The following MROH6 variants were observed in gnomAD, a reference collection of about 807,000 sequenced individuals.
MROH6 encodes the protein maestro heat like repeat family member 6, also known as maestro heat-like repeat-containing protein family member 6.
MROH6 carries 62 observed loss-of-function variants against 67.7 expected under a neutral mutation model. The observed-to-expected ratio is 0.92, with a 90% CI of 0.75 to 1.13. The LOEUF (loss-of-function observed/expected upper bound fraction) is 1.13, where lower values mean the gene tolerates loss of function less well. MROH6 is among the 50% of genes most tolerant of loss of function. The pLI is 0.00. For missense variants in MROH6, 1,175 were observed against 1,029.1 expected (o/e 1.14, Z -1.94); for synonymous variants, 566 against 470.8 (o/e 1.20, Z -2.62).
At chr8:143,570,117 C>T (rs2130641421) in intron 6 of MROH6, 52 bp from the exon 7 acceptor site, 4 of 1,581,462 alleles carry the variant, frequency 2.5e-6, no homozygotes, top group Non-Finnish European at 3.4e-6. Flanking sequence ...CCTTTCTCCT[C>T]GAGAAGACCC....
rs898141972 is a variant in MROH6, at chr8:143,571,745, C to T, written c.524G>A (p.Arg175Gln). The T allele has an allele frequency of 5.8e-6, 9 of 1,549,084 alleles. No individual in the cohort carries two copies. The highest frequency in any genetic ancestry group is 4.1e-5 in the African/African-American group (3 of 73,126). ...CTCCAGGGCCAGTGCGCTCAGCACT[C>T]GCAGGGCCGCCCTCCAGGGCCTCCC... ...AEGRPWRAAL[R>Q]VLSALALEHA... Residue 175 changes from arginine to glutamine, a missense_variant, in exon 3 of 14, where the codon CGA becomes CAA. By Grantham distance (43) the Arg-to-Gln change is conservative (BLOSUM62 1). Coordinates refer to ENST00000398882, the MANE Select transcript of MROH6 (RefSeq NM_001100878.2).
At chr8:143,569,911 CAG>C in intron 7 of MROH6, 38 bp downstream of exon 7, 1 of 1,611,478 alleles carries the variant, frequency 6.2e-7, no homozygotes, top group Admixed American at 1.7e-5. Context: ...GGATCAAGTC[CAG>C]GGTCACCCTT....
intron 11 of MROH6, 40 bp from the exon 12 acceptor site, chr8:143,567,928 T>A: frequency 6.7e-7 from 1 of 1,503,504 alleles, no homozygotes; most frequent in East Asian, 2.3e-5. Flanking sequence ...GGAGGGCTGA[T>A]CCTGAGTGCG....
rs1462819884 is a variant in MROH6, at chr8:143,567,693, G to A, written c.1868-17C>T. ...CAAGGAAGCCTGGACCACAGCAGAT[G>A]CATGAGTGCAGGCCCCACAGCCCCC... On this transcript the variant is annotated splice_polypyrimidine_tract_variant and intron_variant, in intron 12 of 13. Transcript: ENST00000398882. 33 of 1,578,706 alleles carry A rather than the reference G, an allele frequency of 2.1e-5. No homozygotes were observed. Among genetic ancestry groups the A allele is most frequent in the Admixed American group, 3.6e-5 (2 of 54,874 alleles).
chr8:143,570,338 T>C lies in MROH6; in HGVS notation c.948A>G (p.Gly316=). Reference sequence around the variant, plus strand: ...CCATGCACGTGACCACCATGCGGCCTCCATCCCCGGTGAGCAGCGCCTTCA... The same window carrying C: ...CCATGCACGTGACCACCATGCGGCCCCCATCCCCGGTGAGCAGCGCCTTCA... ...EALKALLTGD[G]GRMVVTCMEQ... Residue 316 remains glycine, a synonymous_variant, in exon 6 of 14, where the codon GGA becomes GGG. Coordinates refer to ENST00000398882, the MANE Select transcript of MROH6 (RefSeq NM_001100878.2). The C allele has an allele frequency of 6.2e-7, 1 of 1,610,568 alleles. No individual in the cohort carries two copies. The highest frequency in any genetic ancestry group is 8.5e-7 in the Non-Finnish European group (1 of 1,179,748).
intron 1 of MROH6, 24 bp from the exon 2 acceptor site, chr8:143,572,209 C>T (rs1270089487): frequency 6.2e-7 from 1 of 1,610,680 alleles, no homozygotes; most frequent in South Asian, 1.1e-5. Flanking sequence ...GGTGGGGCGT[C>T]TGAAGTGCCC....
intron 2 of MROH6, 71 bp from the exon 3 acceptor site, chr8:143,571,892 C>T: frequency 1.3e-6 from 2 of 1,497,436 alleles, no homozygotes; most frequent in Non-Finnish European, 1.8e-6. Context: ...GCCTGCACCC[C>T]ACCTCCACCC....
At position 143,570,111 on chromosome 8, in the gene MROH6, T is replaced by A. The variant is rs11990325; in HGVS notation, c.1044-46A>T. 415,091 of 1,586,046 alleles carry A rather than the reference T, an allele frequency of 0.26. 57,301 individuals are homozygous for A. Among genetic ancestry groups the A allele is most frequent in the South Asian group, 0.45 (40,825 of 90,046 alleles). On this transcript the variant is annotated intron_variant, in intron 6 of 13. Transcript: ENST00000398882. ...AGCTCTCGCTCCGTTTGGCGGCCTT[T>A]CTCCTCGAGAAGACCCCATCCCAAC...
intron 3 of MROH6, 54 bp downstream of exon 3, chr8:143,571,613 G>C: frequency 6.5e-7 from 1 of 1,545,160 alleles, no homozygotes; most frequent in South Asian, 1.2e-5. Flanking sequence ...ACCGCCAAGC[G>C]GGAAGAGGGA....
At position 143,569,635 on chromosome 8, in the gene MROH6, C is replaced by T. The variant is rs371354694; in HGVS notation, c.1303-21G>A. On this transcript the variant is annotated intron_variant, in intron 8 of 13. Coordinates refer to ENST00000398882, the MANE Select transcript of MROH6 (RefSeq NM_001100878.2). ...CGCACCTGCTGGGACTCGGGGTCAG[C>T]CTCTTGCAGACCTCGCCGCGACCGG... is the stretch of plus-strand genomic sequence containing the variant. 5 of 1,590,552 alleles carry T rather than the reference C, an allele frequency of 3.1e-6. No homozygotes were observed. The African/African-American group carries it at 5.4e-5, about 17-fold the overall frequency.
chr8:143,568,769 A>G, intron 9 of MROH6, 50 bp from the exon 10 acceptor site: 11 of 1,022,942 alleles, frequency 1.1e-5, no homozygotes, highest in Non-Finnish European at 1.3e-5. Flanking sequence ...AGGGGCTGCA[A>G]GGGTGGGAGG....
At chr8:143,570,440 G>T (rs934868984) in intron 5 of MROH6, 33 bp downstream of exon 5, 1 of 1,202,068 alleles carries the variant, frequency 8.3e-7, no homozygotes, top group South Asian at 1.9e-5. Flanking sequence ...CAGCATGCTG[G>T]CCCGCCCCAC....
chr8:143,572,504 G>T lies in MROH6; in HGVS notation c.211C>A (p.Arg71Ser), dbSNP rs201179433. The T allele has an allele frequency of 1.2e-6, 2 of 1,605,230 alleles. No individual in the cohort carries two copies. Among genetic ancestry groups the T allele is most frequent in the Non-Finnish European group, 1.7e-6 (2 of 1,177,260 alleles). Residue 71 changes from arginine to serine, a missense_variant, in exon 1 of 14, where the codon CGT (arginine) becomes AGT (serine). Arg to Ser is a moderately radical substitution (Grantham distance 110, BLOSUM62 -1). Transcript: ENST00000398882. ...LTAPSEAEPG[R>S]GATVPEAGSE... ...CCAGCTTCAGGGACGGTGGCCCCAC[G>T]TCCAGGCTCTGCCTCAGAGGGGGCG... is the stretch of plus-strand genomic sequence containing the variant.
intron 11 of MROH6, 117 bp from the exon 12 acceptor site, chr8:143,568,005 T>A (rs1228962834): frequency 7.6e-6 from 11 of 1,452,786 alleles, no homozygotes; most frequent in Non-Finnish European, 1.0e-5. Flanking sequence ...GGTGGCATGG[T>A]CGGAGACCTT....
At position 143,572,055 on chromosome 8, in the gene MROH6, C is replaced by G. The variant is rs779367478; in HGVS notation, c.425G>C (p.Arg142Pro). Residue 142 changes from arginine to proline, a missense_variant, in exon 2 of 14, where the codon CGG becomes CCG. Coordinates refer to ENST00000398882, the MANE Select transcript of MROH6 (RefSeq NM_001100878.2). ...GACCTGGTCCTCCAACCGCTCGCCC[C>G]GGGCCTCCAGGGCTGAGGACAGGGT... Reference protein sequence around the residue: ...VLTLSSALEARGERLEDQVHA... With the variant: ...VLTLSSALEAPGERLEDQVHA... 1.9e-5 allele frequency: 30 copies of G among 1,611,892 alleles called. No homozygotes were observed. Among genetic ancestry groups the G allele is most frequent in the Non-Finnish European group, 2.4e-5 (28 of 1,179,416 alleles).
chr8:143,567,013 G>A lies in MROH6; in HGVS notation c.*226C>T, dbSNP rs375268603. 18 of 344,978 alleles carry A rather than the reference G, an allele frequency of 5.2e-5. No individual in the cohort carries two copies. Among genetic ancestry groups the A allele is most frequent in the Middle Eastern group, 7.5e-4 (1 of 1,342 alleles). 21.4% of individuals were successfully genotyped at this position (344,978 alleles called of 1,614,324 possible). A position where few individuals can be genotyped will look rare whatever the true frequency, so the allele number is the denominator to read the frequency against. On this transcript the variant is annotated 3_prime_UTR_variant, in exon 14 of 14. Coordinates refer to ENST00000398882, the MANE Select transcript of MROH6 (RefSeq NM_001100878.2). The stretch of plus-strand genomic sequence containing the variant: ...TGGGGCATGGGGCATGCTCCAGGGG[G>A]CTGTGAGAACAAGAGCCCTGACGGG...
In MROH6 at chr8:143,567,256, C is replaced by G. The variant is rs1222922120; in HGVS notation, c.2143G>C (p.Gly715Arg). 4.9e-6 allele frequency: 6 copies of G among 1,221,670 alleles called. No homozygotes were observed. The highest frequency in any genetic ancestry group is 3.2e-4 in the Middle Eastern group (1 of 3,160). 75.7% of individuals were successfully genotyped at this position (1,221,670 alleles called of 1,614,324 possible). A position where few individuals can be genotyped will look rare whatever the true frequency, so the allele number is the denominator to read the frequency against. Residue 715 changes from glycine to arginine, a missense_variant, in exon 14 of 14, where the codon GGA becomes CGA. Coordinates refer to ENST00000398882, the MANE Select transcript of MROH6 (RefSeq NM_001100878.2). Reference protein sequence around the residue: ...RSVAGRWGCSGPRRA With the variant: ...RSVAGRWGCSRPRRA ...CCCGAGCCTCAGGCTCGGCGGGGTCCGGAGCAGCCCCAGCGGCCCGCGACG... is the reference window on the plus strand; with the variant it reads ...CCCGAGCCTCAGGCTCGGCGGGGTCGGGAGCAGCCCCAGCGGCCCGCGACG...
Position 143,566,380 on chromosome 8 carries a change from G to A in MROH6, c.*859C>T, listed in dbSNP as rs890009137. ...AGGAGGAGGCTGTGAAGGAGGCCACGAATGCAAGGACATTTCCAGGCAGGC... is the reference window on the plus strand; with the variant it reads ...AGGAGGAGGCTGTGAAGGAGGCCACAAATGCAAGGACATTTCCAGGCAGGC... On this transcript the variant is annotated 3_prime_UTR_variant, in exon 14 of 14. Transcript: ENST00000398882. The A allele has an allele frequency of 8.5e-5, 13 of 152,300 alleles. No individual in the cohort carries two copies. The highest frequency in any genetic ancestry group is 3.9e-4 in the Admixed American group (6 of 15,292). 9.4% of individuals were successfully genotyped at this position (152,300 alleles called of 1,614,324 possible).
rs1279445071 is a variant in MROH6, at chr8:143,567,635, C to T, written c.1909G>A (p.Asp637Asn). 1 of 1,571,096 alleles carries T rather than the reference C, an allele frequency of 6.4e-7. No homozygotes were observed. The highest frequency in any genetic ancestry group is 8.6e-7 in the Non-Finnish European group (1 of 1,158,986). ...CCCTGGAACAGGGAGTCCAGCAGGT[C>T]CTGGTTGACACAGCCGGGGCTGGCG... is the stretch of plus-strand genomic sequence containing the variant. ...HHASPGCVNQ[D>N]LLDSLFQDLG... The change falls in exon 13 of 14, where the codon GAC (aspartate) becomes AAC (asparagine). Residue 637 changes from aspartate to asparagine, a missense_variant. Coordinates refer to ENST00000398882, the MANE Select transcript of MROH6 (RefSeq NM_001100878.2).
Sources: gnomAD v4.1 joint callset for allele counts on GRCh38, gnomAD v4.1.1 for gene constraint, MANE v1.5 for transcripts, NCBI Gene and HGNC (gene_info 2026-07-23, HGNC 2026-07-21) for gene names.